PDE10A: variants seen among roughly 807,000 people sequenced by gnomAD.
The protein encoded by PDE10A is cAMP and cAMP-inhibited cGMP 3',5'-cyclic phosphodiesterase 10A.
In PDE10A, 39 loss-of-function variants were observed where a neutral mutation model predicts 97.7. The observed-to-expected ratio is 0.40, with a 90% CI of 0.31 to 0.52. The LOEUF (loss-of-function observed/expected upper bound fraction) is 0.52. Among genes scored for constraint, PDE10A ranks in the 20% least tolerant of loss-of-function variants. The pLI is 0.56. For synonymous variants in PDE10A, 371 were observed against 376.8 expected, an observed-to-expected ratio of 0.98 and a Z score of 0.18; for missense variants, 731 against 1,047.8, an observed-to-expected ratio of 0.70 and a Z score of 4.17.
rs541933872 is a variant in PDE10A at position 165,850,259 on chromosome 6, A to T, written c.-615+137270T>A. ...AGGCTTCAGCCCCCACGTGCTCTTA[A>T]CATCATCCGTGCAAATATCATCACA... On this transcript the variant is annotated intron_variant, in intron 1 of 19. Transcript: ENST00000366882. 3.9e-5 allele frequency among the ~76,000 whole-genome samples: 6 copies of T among 152,326 alleles called. No individual in the cohort carries two copies. The South Asian group carries it at 1.2e-3, about 32-fold the overall frequency.
rs1554317323 is a variant in PDE10A at position 165,758,527 on chromosome 6, A to AGAAGAAGAG, written c.-614-214960_-614-214959insCTCTTCTTC. On this transcript the variant is annotated intron_variant, in intron 1 of 19. Transcript: ENST00000366882. ...GAAAGAAGAAAGAAGAAGAAGAAGA[A>AGAAGAAGAG]GAAGAGGAAGAGGAAGAGGAAGAAG... Among the ~76,000 whole-genome samples, 844 of 140,632 alleles carry AGAAGAAGAG rather than the reference A, an allele frequency of 6.0e-3. 1 individual carries two copies. Among genetic ancestry groups the AGAAGAAGAG allele is most frequent in the Middle Eastern group, 0.014 (4 of 282 alleles). 92.3% of individuals were successfully genotyped at this position (140,632 alleles called of 152,430 possible).
intron 1 of PDE10A, among the ~76,000 whole-genome samples, chr6:165,959,427 G>A (rs1211993118): frequency 1.3e-5 from 2 of 152,108 alleles, no homozygotes; most frequent in African/African-American, 4.8e-5. Context: ...ATGGTGTTTG[G>A]CCATAAAAAA....
intron 1 of PDE10A, among the ~76,000 whole-genome samples, chr6:165,826,831 G>A (rs1271469596): frequency 6.6e-6 from 1 of 151,870 alleles, no homozygotes; most frequent in Non-Finnish European, 1.5e-5. Context: ...CAGGAGGGGT[G>A]CTGGGGACAC....
At chr6:165,717,991 A>G (rs138765339) in intron 1 of PDE10A, among the ~76,000 whole-genome samples, 1 of 152,326 alleles carries the variant, frequency 6.6e-6, no homozygotes, top group East Asian at 1.9e-4. Flanking sequence ...TAAGCTGCAT[A>G]ACAATCCCTT....
intron 1 of PDE10A, among the ~76,000 whole-genome samples, chr6:165,804,010 T>A (rs1779049397): frequency 6.6e-6 from 1 of 152,200 alleles, no homozygotes; most frequent in African/African-American, 2.4e-5. Context: ...TTTTTCTTAA[T>A]GAGCGAGCCA....
At chr6:165,497,489 C>T (rs1780608587) in intron 2 of PDE10A, among the ~76,000 whole-genome samples, 1 of 152,070 alleles carries the variant, frequency 6.6e-6, no homozygotes, top group African/African-American at 2.4e-5. Context: ...GATGATATCC[C>T]TTTCTCTCAT....
chr6:165,661,697 CCCGAGCCGCCCTT>C lies in PDE10A; in HGVS notation c.865+237_865+249del. 1 of 439,200 alleles carries C rather than the reference CCCGAGCCGCCCTT, an allele frequency of 2.3e-6. No individual in the cohort carries two copies. Among genetic ancestry groups the C allele is most frequent in the South Asian group, 4.3e-5 (1 of 22,998 alleles). 27.2% of individuals were successfully genotyped at this position (439,200 alleles called of 1,614,324 possible). The stretch of plus-strand genomic sequence containing the variant: ...GCAACGTCCAAGCTCCCGCCGCCCT[CCCGAGCCGCCCTT>C]CCCCCGAGCGCTCGCGGAGCCTGGG... On this transcript the variant is annotated intron_variant, in intron 1 of 21. Transcript: ENST00000539869. The surrounding 1 kb of genome is among the most constrained non-coding windows in gnomAD (Gnocchi z 4.8).
intron 1 of PDE10A, among the ~76,000 whole-genome samples, chr6:165,967,729 A>C (rs758218839): frequency 6.6e-6 from 1 of 152,206 alleles, no homozygotes; most frequent in Non-Finnish European, 1.5e-5. Context: ...CATGGGCTTC[A>C]ACCATGCTTT....
chr6:165,603,081 TA>T (rs1156932928), intron 1 of PDE10A, among the ~76,000 whole-genome samples: 1 of 152,132 alleles, frequency 6.6e-6, no homozygotes, highest in East Asian at 1.9e-4. Flanking sequence ...ATAGCAAAAG[TA>T]GTTACTAATG....
chr6:165,352,437 T>C (rs1234545579), intron 18 of PDE10A, among the ~76,000 whole-genome samples: 1 of 152,118 alleles, frequency 6.6e-6, no homozygotes, highest in Non-Finnish European at 1.5e-5. Context: ...AAGATAGTAA[T>C]TATAATTGAC....
chr6:165,523,396 A>G (rs1483519852), intron 2 of PDE10A, among the ~76,000 whole-genome samples: 1 of 152,166 alleles, frequency 6.6e-6, no homozygotes, highest in Non-Finnish European at 1.5e-5. Flanking sequence ...TAACCCAAAC[A>G]GCACAGTACT....
intron 1 of PDE10A, among the ~76,000 whole-genome samples, chr6:165,922,252 C>T (rs904502863): frequency 1.5e-4 from 23 of 152,114 alleles, no homozygotes; most frequent in Non-Finnish European, 2.6e-4. Context: ...GTCTTGATTG[C>T]CATCAGAGTA....
chr6:165,880,934 T>C (rs1456677378), intron 1 of PDE10A, among the ~76,000 whole-genome samples: 2 of 152,248 alleles, frequency 1.3e-5, no homozygotes, highest in African/African-American at 4.8e-5. Context: ...TGTTTCTAAT[T>C]CCTTTATACT....
Position 165,592,902 on chromosome 6 carries a change from G to T in PDE10A, c.866-49334C>A, listed in dbSNP as rs184701086. 4.0e-3 allele frequency among the ~76,000 whole-genome samples: 610 copies of T among 152,264 alleles called. 1 individual carries two copies. The highest frequency in any genetic ancestry group is 0.014 in the African/African-American group (588 of 41,548). The stretch of plus-strand genomic sequence containing the variant: ...GGAAGTCAGTGTGGCAATTCCTCAG[G>T]GATCTAGAACTAGAAATACCATTTG... On this transcript the variant is annotated intron_variant, in intron 1 of 21. Transcript: ENST00000539869.
intron 8 of PDE10A, 84 bp downstream of exon 8, chr6:165,431,338 A>T: frequency 1.3e-6 from 1 of 753,362 alleles, no homozygotes. Context: ...TGGGTGACTT[A>T]ACCTCTATTC....
At chr6:165,849,490 C>G (rs961516910) in intron 1 of PDE10A, among the ~76,000 whole-genome samples, 9 of 152,246 alleles carry the variant, frequency 5.9e-5, no homozygotes, top group African/African-American at 2.2e-4. Flanking sequence ...TATCCCTCCA[C>G]TAGGAAATAT....
intron 1 of PDE10A, among the ~76,000 whole-genome samples, chr6:165,641,785 C>T (rs537978546): frequency 2.0e-5 from 3 of 152,200 alleles, no homozygotes; most frequent in South Asian, 4.1e-4. Context: ...GATTCCTCTT[C>T]GGACTGTTAT....
At chr6:165,500,038 A>T (rs1349454316) in intron 2 of PDE10A, among the ~76,000 whole-genome samples, 1 of 152,334 alleles carries the variant, frequency 6.6e-6, no homozygotes, top group Middle Eastern at 3.4e-3. Flanking sequence ...GAACAAGGCA[A>T]GAGCATCTGA....
At chr6:165,598,766 T>C (rs985550346) in intron 1 of PDE10A, among the ~76,000 whole-genome samples, 1 of 152,212 alleles carries the variant, frequency 6.6e-6, no homozygotes, top group African/African-American at 2.4e-5. Flanking sequence ...TCCATTACTC[T>C]TATAAATTTT....
Sources: gnomAD v4.1 joint callset for allele counts (sites outside exome capture counted in the v4.1 genomes callset) on GRCh38, gnomAD v4.1.1 for gene constraint, Gnocchi (gnomAD v3.1) non-coding constraint, MANE v1.5 for transcripts, NCBI Gene and HGNC (gene_info 2026-07-23, HGNC 2026-07-21) for gene names.